The following COL24A1 variants were observed in gnomAD, a reference collection of about 807,000 sequenced individuals.
COL24A1 encodes collagen type XXIV alpha 1 chain, also known as collagen alpha-1(XXIV) chain.
Under a neutral mutation model 253.9 loss-of-function variants are expected in COL24A1, and 224 were observed. That is an observed-to-expected ratio of 0.88 (90% CI 0.79 to 0.99). The LOEUF (loss-of-function observed/expected upper bound fraction) is 0.99, where lower values mean the gene tolerates loss of function less well. COL24A1 is among the 50% of genes least tolerant of loss of function. COL24A1 has a pLI of 0.00. For missense variants in COL24A1, 2,131 were observed against 2,068.5 expected, an observed-to-expected ratio of 1.03 and a Z score of -0.59; for synonymous variants, 685 against 673.7, an observed-to-expected ratio of 1.02 and a Z score of -0.26.
intron 2 of COL24A1, among the ~76,000 whole-genome samples, chr1:86,144,626 ATTC>A (rs547822126): frequency 2.8e-4 from 43 of 152,186 alleles, no homozygotes; most frequent in Non-Finnish European, 4.9e-4. Context: ...TAATAATTGT[ATTC>A]TTCTCTTCCT....
At chr1:85,999,871 A>G (rs1695234900) in intron 19 of COL24A1, among the ~76,000 whole-genome samples, 1 of 152,156 alleles carries the variant, frequency 6.6e-6, no homozygotes. Flanking sequence ...ACAACACAAG[A>G]ATTGCAACAT....
At chr1:85,764,685 T>C (rs1667185395) in intron 53 of COL24A1, among the ~76,000 whole-genome samples, 1 of 152,184 alleles carries the variant, frequency 6.6e-6, no homozygotes, top group Non-Finnish European at 1.5e-5. Flanking sequence ...AATTGTAATA[T>C]AATAGGTCTA....
At chr1:85,937,553 C>A (rs1336984217) in intron 24 of COL24A1, among the ~76,000 whole-genome samples, 3 of 147,598 alleles carry the variant, frequency 2.0e-5, no homozygotes, top group African/African-American at 7.5e-5. Flanking sequence ...AAGCTGACAT[C>A]AGCAAGCCTT....
chr1:85,889,939 C>T (rs1243692609), intron 31 of COL24A1, among the ~76,000 whole-genome samples: 1 of 152,026 alleles, frequency 6.6e-6, no homozygotes, highest in African/African-American at 2.4e-5. Flanking sequence ...TGGCAACCAC[C>T]ATTCTATTTT....
Position 85,847,561 on chromosome 1 carries a change from T to C in COL24A1, c.3462+104A>G, listed in dbSNP as rs954257914. The C allele has an allele frequency of 7.9e-6, 6 of 761,098 alleles. No homozygotes were observed. The Admixed American group carries it at 1.1e-4, about 14-fold the overall frequency. 47.1% of individuals were successfully genotyped at this position (761,098 alleles called of 1,614,324 possible). A position where few individuals can be genotyped will look rare whatever the true frequency, so the allele number is the denominator to read the frequency against. On this transcript the variant is annotated intron_variant, in intron 39 of 59. Transcript: ENST00000370571. ...AGGTAGATTATTTTCAATGGAACTA[T>C]TGCTTTGTCTGTAAAGCTAATCAAG...
chr1:85,912,607 C>T (rs1315514645), intron 24 of COL24A1, among the ~76,000 whole-genome samples: 1 of 152,100 alleles, frequency 6.6e-6, no homozygotes, highest in Non-Finnish European at 1.5e-5. Flanking sequence ...CTAATGATCC[C>T]ATATATATAA....
chr1:85,818,225 AT>A, intron 45 of COL24A1, 138 bp from the exon 46 acceptor site: 1 of 606,062 alleles, frequency 1.7e-6, no homozygotes, highest in South Asian at 2.4e-5. Context: ...TTGCCATTTA[AT>A]TTTCCTGGGA....
chr1:86,126,109 T>A lies in COL24A1; in HGVS notation c.227A>T (p.His76Leu). 1 of 1,613,032 alleles carries A rather than the reference T, an allele frequency of 6.2e-7. No individual in the cohort carries two copies. The change falls in exon 3 of 60, where the codon CAT becomes CTT. Residue 76 changes from histidine to leucine, a missense_variant. Physicochemically the swap from His to Leu is moderately conservative, Grantham distance 99. Coordinates refer to ENST00000370571, the MANE Select transcript of COL24A1 (RefSeq NM_152890.7). ...SASTPLPQGV[H>L]LTESGVIFKN... is the part of the protein sequence containing the mutation. Reference sequence around the variant, plus strand: ...AAAAATGACTCCTGATTCTGTTAAATGGACCCCCTGAGGTAACGGTGTAGA... The same window carrying A: ...AAAAATGACTCCTGATTCTGTTAAAAGGACCCCCTGAGGTAACGGTGTAGA...
chr1:85,816,805 C>A lies in COL24A1; in HGVS notation c.3934G>T (p.Gly1312Ter), dbSNP rs750292545. Reference sequence around the variant, plus strand: ...CTACTCACAGGAAGTCCCTGTTTTCCTGGTGGCCCAATTTTTCCAGGGTTT... The same window carrying A: ...CTACTCACAGGAAGTCCCTGTTTTCATGGTGGCCCAATTTTTCCAGGGTTT... Reference protein sequence around the residue: ...SGNPGKIGPPGKQGLPGIRGG... With the variant: ...SGNPGKIGPP Residue 1312 changes from glycine to a stop codon, truncating the protein, a stop_gained, in exon 47 of 60, where the codon GGA (glycine) becomes TGA (stop). Transcript: ENST00000370571. LOFTEE classifies it high-confidence loss of function. The A allele has an allele frequency of 6.2e-7, 1 of 1,613,862 alleles. No homozygotes were observed. Among genetic ancestry groups the A allele is most frequent in the Non-Finnish European group, 8.5e-7 (1 of 1,179,766 alleles).
In COL24A1 at chr1:86,125,920, G is replaced by C; in HGVS notation, c.416C>G (p.Pro139Arg). Residue 139 changes from proline (P) to arginine (R), a missense_variant, in exon 3 of 60, where the codon CCT becomes CGT. Transcript: ENST00000370571. ...TCTAATGTGTACTACTAATTTTTTA[G>C]GTAGTAATTGTACTCCTAATTGCAG... ...NRLQLGVQLL[P>R]KKLVVHIRGK... The C allele has an allele frequency of 6.2e-7, 1 of 1,612,940 alleles. No homozygotes were observed. The highest frequency in any genetic ancestry group is 8.5e-7 in the Non-Finnish European group (1 of 1,179,466).
intron 22 of COL24A1, among the ~76,000 whole-genome samples, chr1:85,969,724 A>AT (rs1691956568): frequency 2.0e-5 from 3 of 151,966 alleles, no homozygotes; most frequent in South Asian, 4.1e-4. Flanking sequence ...AATGTAACAC[A>AT]TATACCTTAA....
At chr1:86,148,596 A>G (rs1478644198) in intron 1 of COL24A1, among the ~76,000 whole-genome samples, 12 of 149,784 alleles carry the variant, frequency 8.0e-5, no homozygotes, top group East Asian at 3.9e-4. Flanking sequence ...GAGAATATGC[A>G]GTGTTTGGTT....
intron 1 of COL24A1, among the ~76,000 whole-genome samples, chr1:86,152,253 C>A (rs1011602304): frequency 6.6e-6 from 1 of 152,052 alleles, no homozygotes; most frequent in African/African-American, 2.4e-5. Context: ...AGGTTGAGCA[C>A]CCCCAATCTA....
At chr1:85,969,408 C>T (rs944112434) in intron 22 of COL24A1, among the ~76,000 whole-genome samples, 9 of 151,658 alleles carry the variant, frequency 5.9e-5, no homozygotes, top group African/African-American at 1.9e-4. Flanking sequence ...AGTTCAAGAC[C>T]AGCCTGATCA....
intron 35 of COL24A1, 73 bp from the exon 36 acceptor site, chr1:85,868,908 A>G: frequency 9.3e-7 from 1 of 1,071,204 alleles, no homozygotes; most frequent in Non-Finnish European, 1.4e-6. Flanking sequence ...TTTTTAGCCC[A>G]TAGTATATAT....
chr1:85,780,210 G>T (rs1164002144), intron 52 of COL24A1, among the ~76,000 whole-genome samples: 1 of 151,736 alleles, frequency 6.6e-6, no homozygotes, highest in Non-Finnish European at 1.5e-5. Flanking sequence ...CAGTAACTTT[G>T]GTGGTTTCTT....
intron 19 of COL24A1, among the ~76,000 whole-genome samples, chr1:85,989,402 C>T (rs1417279602): frequency 6.6e-6 from 1 of 152,080 alleles, no homozygotes; most frequent in Non-Finnish European, 1.5e-5. Context: ...CAATCATTTA[C>T]TAAGCCCCAT....
At chr1:86,143,161 G>A (rs961871901) in intron 2 of COL24A1, among the ~76,000 whole-genome samples, 1 of 152,182 alleles carries the variant, frequency 6.6e-6, no homozygotes, top group African/African-American at 2.4e-5. Context: ...ACTAGAGGAT[G>A]TGCTGCACCC....
intron 20 of COL24A1, among the ~76,000 whole-genome samples, chr1:85,981,915 G>A (rs1163134564): frequency 6.6e-6 from 1 of 152,068 alleles, no homozygotes; most frequent in Non-Finnish European, 1.5e-5. Context: ...AATGTTAACA[G>A]GATAAAAACT....
Sources: gnomAD v4.1 joint callset for allele counts (sites outside exome capture counted in the v4.1 genomes callset) on GRCh38, gnomAD v4.1.1 for gene constraint, MANE v1.5 for transcripts, NCBI Gene and HGNC (gene_info 2026-07-23, HGNC 2026-07-21) for gene names.